Variants in HSF2 observed in about 807,000 individuals in gnomAD.
HSF2 encodes heat shock transcription factor 2, also known as heat shock factor protein 2.
In HSF2, 21 loss-of-function variants were observed where a neutral mutation model predicts 65.0. The ratio of observed to expected loss-of-function variants is 0.32; its 90% CI spans 0.23 to 0.47. The LOEUF is 0.47. Among genes scored for constraint, HSF2 ranks in the 20% least tolerant of loss-of-function variants. The probability of loss-of-function intolerance (pLI) is 1.00; values close to 1 mark genes in which losing one functional copy is unlikely to be tolerated. For missense variants in HSF2, 499 were observed against 628.1 expected (o/e 0.79, Z 2.20); for synonymous variants, 225 against 219.1 (o/e 1.03, Z -0.24).
intron 3 of HSF2, among the ~76,000 whole-genome samples, 157 bp downstream of exon 3, chr6:122,412,921 C>T (rs1206421797): frequency 1.7e-4 from 25 of 150,196 alleles, no homozygotes; most frequent in Middle Eastern, 3.4e-3. Flanking sequence ...GTATTTTTTT[C>T]CTAAGTTAGC....
Position 122,427,943 on chromosome 6 carries a change from T to A in HSF2, c.1217T>A (p.Ile406Asn). 1.3e-6 allele frequency: 2 copies of A among 1,599,702 alleles called. No individual in the cohort carries two copies. Among genetic ancestry groups the A allele is most frequent in the African/African-American group, 1.3e-5 (1 of 74,526 alleles). ...SSVQMNPTDY[I>N]NNTKSENKGL... ...GTGCAGATGAATCCCACAGATTACA[T>A]CAATAATACAAAAGTAAGTTTTAAT... Residue 406 changes from isoleucine to asparagine, a missense_variant, in exon 11 of 13, where the codon ATC (isoleucine) becomes AAC (asparagine). By Grantham distance (149) the Ile-to-Asn change is moderately radical. Transcript: ENST00000368455.
Position 122,412,634 on chromosome 6 carries a change from C to T in HSF2, c.203-3C>T, listed in dbSNP as rs752902321. ...AGTCATTTGAATTTTGAATATTTTT[C>T]AGATGGTTTCCGTAAAGTAGTACAT... On this transcript the variant is annotated splice_region_variant and splice_polypyrimidine_tract_variant and intron_variant, in intron 2 of 12. Transcript: ENST00000368455. 1 of 1,607,232 alleles carries T rather than the reference C, an allele frequency of 6.2e-7. No individual in the cohort carries two copies. The highest frequency in any genetic ancestry group is 1.7e-5 in the Admixed American group (1 of 59,538).
chr6:122,418,535 C>G lies in HSF2; in HGVS notation c.532-633C>G, dbSNP rs1239728057. ...AATTTAATTAAATATTAAAGATTAG[C>G]TTCCCTTGTCAGTAGGAAGTTTTGA... On this transcript the variant is annotated intron_variant, in intron 5 of 12. Transcript: ENST00000368455. Among the ~76,000 whole-genome samples, 3 of 152,204 alleles carry G rather than the reference C, an allele frequency of 2.0e-5. No individual in the cohort carries two copies. In the East Asian group the frequency reaches 5.8e-4, roughly 29 times the overall value.
At chr6:122,416,091 T>A in intron 4 of HSF2, 130 bp from the exon 5 acceptor site, 1 of 576,666 alleles carries the variant, frequency 1.7e-6, no homozygotes, top group Non-Finnish European at 3.1e-6. Flanking sequence ...CAAAGTTTTC[T>A]TGGTCTCATA....
In HSF2 at chr6:122,415,990, C is replaced by G. The variant is rs748465207; in HGVS notation, c.456-231C>G. Among the ~76,000 whole-genome samples, 65 of 152,110 alleles carry G rather than the reference C, an allele frequency of 4.3e-4. 1 individual carries two copies. Among genetic ancestry groups the G allele is most frequent in the Non-Finnish European group, 6.3e-4 (43 of 68,030 alleles). Reference sequence around the variant, plus strand: ...CGAGATCGTACCACTGCACTTCAGCCTGGGCGACAGAGCAAAGCTACACCT... The same window carrying G: ...CGAGATCGTACCACTGCACTTCAGCGTGGGCGACAGAGCAAAGCTACACCT... On this transcript the variant is annotated intron_variant, in intron 4 of 12. Coordinates refer to ENST00000368455, the MANE Select transcript of HSF2 (RefSeq NM_004506.4).
chr6:122,432,274 TATTTTA>T lies in HSF2; in HGVS notation c.*56_*61del, dbSNP rs1244416461. ...ATATTCATCAAAATGATGAACTATT[TATTTTA>T]AAGTATCATTTGGTACTTTTTTTGT... On this transcript the variant is annotated 3_prime_UTR_variant, in exon 13 of 13. Coordinates refer to ENST00000368455, the MANE Select transcript of HSF2 (RefSeq NM_004506.4). 6 of 1,363,092 alleles carry T rather than the reference TATTTTA, an allele frequency of 4.4e-6. No individual in the cohort carries two copies. The highest frequency in any genetic ancestry group is 5.1e-6 in the Non-Finnish European group (5 of 987,712). 84.4% of individuals were successfully genotyped at this position (1,363,092 alleles called of 1,614,324 possible).
rs45612331 is a variant in HSF2, at chr6:122,417,256, A to G, written c.531+960A>G. Among the ~76,000 whole-genome samples, 523 of 152,194 alleles carry G rather than the reference A, an allele frequency of 3.4e-3. 2 individuals carry two copies. Among genetic ancestry groups the G allele is most frequent in the Admixed American group, 7.8e-3 (119 of 15,272 alleles). The stretch of plus-strand genomic sequence containing the variant: ...TTTTAAAACTTTCATAGGCAACTCT[A>G]ATGTGCAGCCTGGTTAAGAATAGTT... On this transcript the variant is annotated intron_variant, in intron 5 of 12. Transcript: ENST00000368455.
intron 1 of HSF2, among the ~76,000 whole-genome samples, chr6:122,410,453 A>G (rs1773964042): frequency 6.6e-6 from 1 of 151,842 alleles, no homozygotes. Flanking sequence ...AAAATTAACC[A>G]TTTTAAGTGC....
chr6:122,401,894 A>G (rs541470493), intron 1 of HSF2, among the ~76,000 whole-genome samples: 1 of 152,296 alleles, frequency 6.6e-6, no homozygotes, highest in African/African-American at 2.4e-5. Flanking sequence ...AGGTGAGATT[A>G]TTTATCCATA....
intron 11 of HSF2, among the ~76,000 whole-genome samples, chr6:122,429,674 A>G (rs1774418653): frequency 6.6e-6 from 1 of 152,164 alleles, no homozygotes. Context: ...CTGTTGTGAG[A>G]TATGTTCCAT....
intron 4 of HSF2, among the ~76,000 whole-genome samples, chr6:122,414,038 T>G (rs12213993): frequency 0.11 from 17,171 of 152,120 alleles, 1,229 homozygotes; most frequent in East Asian, 0.21. Flanking sequence ...ATCCTTTGTT[T>G]AATGGCTGTC....
intron 10 of HSF2, among the ~76,000 whole-genome samples, chr6:122,424,279 C>G (rs1774296620): frequency 1.3e-5 from 2 of 152,012 alleles, no homozygotes; most frequent in African/African-American, 4.8e-5. Flanking sequence ...TCTCTTGTTC[C>G]TGCTATTCCT....
In HSF2 at chr6:122,422,857, T is replaced by A. The variant is rs1316486857; in HGVS notation, c.970T>A (p.Ser324Thr). 6.2e-7 allele frequency: 1 copy of A among 1,613,594 alleles called. No individual in the cohort carries two copies. Among genetic ancestry groups the A allele is most frequent in the East Asian group, 2.2e-5 (1 of 44,878 alleles). The change falls in exon 9 of 13, where the codon TCT (serine) becomes ACT (threonine). Residue 324 changes from serine to threonine, a missense_variant. This residue lies in a region of HSF2 where 349 missense variants were observed against 393.5 expected (regional missense o/e 0.89). Coordinates refer to ENST00000368455, the MANE Select transcript of HSF2 (RefSeq NM_004506.4). Reference sequence around the variant, plus strand: ...CAGTGATGGCAGCAGCCCTCTCATGTCTAGTGCTGTCCAGCTAAATGGCTC... The same window carrying A: ...CAGTGATGGCAGCAGCCCTCTCATGACTAGTGCTGTCCAGCTAAATGGCTC... ...SGSDGSSPLM[S>T]SAVQLNGSSS...
chr6:122,406,052 G>A (rs533513773), intron 1 of HSF2, among the ~76,000 whole-genome samples: 1 of 152,254 alleles, frequency 6.6e-6, no homozygotes, highest in African/African-American at 2.4e-5. Context: ...CATGAGTCAG[G>A]AACAAGAGCT....
chr6:122,432,040 A>G lies in HSF2; in HGVS notation c.1431A>G (p.Val477=), dbSNP rs1220006346. Residue 477 remains valine, a synonymous_variant, in exon 13 of 13, where the codon GTA becomes GTG. Transcript: ENST00000368455. ...CATCATCAGAAGTTTTGTCCTCTGT[A>G]GATAAACCCATAGAAGTTGATGAGC... ...TTASSEVLSS[V]DKPIEVDELL... is the part of the protein sequence containing the mutation. 4.3e-6 allele frequency: 7 copies of G among 1,614,038 alleles called. No homozygotes were observed. Among genetic ancestry groups the G allele is most frequent in the Non-Finnish European group, 5.9e-6 (7 of 1,179,998 alleles).
intron 3 of HSF2, among the ~76,000 whole-genome samples, 186 bp from the exon 4 acceptor site, chr6:122,413,339 T>C (rs533424986): frequency 6.6e-6 from 1 of 151,994 alleles, no homozygotes; most frequent in South Asian, 2.1e-4. Context: ...TTTAAGTAGA[T>C]TATTCCTTGC....
intron 6 of HSF2, among the ~76,000 whole-genome samples, chr6:122,419,707 A>C (rs1186845404): frequency 2.0e-5 from 3 of 152,212 alleles, no homozygotes; most frequent in Non-Finnish European, 2.9e-5. Flanking sequence ...AGAATAATGG[A>C]CAAAAGGAAT....
In HSF2 at chr6:122,412,781, G is replaced by C. The variant is rs114596616; in HGVS notation, c.330+17G>C. ...AAAAGGAAGGTGAGCTATTGTGAACGTGAGCTAATTAGGGTATTGACCTGG... is the reference window on the plus strand; with the variant it reads ...AAAAGGAAGGTGAGCTATTGTGAACCTGAGCTAATTAGGGTATTGACCTGG... On this transcript the variant is annotated intron_variant, in intron 3 of 12. Coordinates refer to ENST00000368455, the MANE Select transcript of HSF2 (RefSeq NM_004506.4). 26 of 1,611,144 alleles carry C rather than the reference G, an allele frequency of 1.6e-5. No homozygotes were observed. The highest frequency in any genetic ancestry group is 2.1e-5 in the Non-Finnish European group (25 of 1,177,884).
Position 122,432,213 on chromosome 6 carries a change from A to T in HSF2, c.1604A>T (p.Asp535Val), listed in dbSNP as rs1774490688. 1.2e-6 allele frequency: 2 copies of T among 1,609,868 alleles called. No individual in the cohort carries two copies. The highest frequency in any genetic ancestry group is 1.7e-6 in the Non-Finnish European group (2 of 1,176,846). The part of the protein sequence containing the change: ...APLDSDMPLL[D>V]S The stretch of plus-strand genomic sequence containing the variant: ...CTGGATAGTGATATGCCACTTTTAG[A>T]TAGCTAAATCCCCAGGAAGTGGACT... The change falls in exon 13 of 13, where the codon GAT becomes GTT. Residue 535 changes from aspartate (D) to valine (V), a missense_variant. Physicochemically the swap from Asp to Val is radical, Grantham distance 152. Transcript: ENST00000368455.
Sources: gnomAD v4.1 joint callset for allele counts (sites outside exome capture counted in the v4.1 genomes callset) on GRCh38, gnomAD v4.1.1 for gene constraint, gnomAD v4.1.1 regional missense constraint, MANE v1.5 for transcripts, NCBI Gene and HGNC (gene_info 2026-07-23, HGNC 2026-07-21) for gene names.